EPHA3: variants seen among roughly 807,000 people sequenced by gnomAD.
The protein encoded by EPHA3 is EPH receptor A3.
A neutral mutation model predicts 107.1 loss-of-function variants in EPHA3; 42 were observed. The observed-to-expected ratio is 0.39, with a 90% confidence interval of 0.31 to 0.51. The LOEUF (loss-of-function observed/expected upper bound fraction) is 0.51. EPHA3 is among the 20% of genes least tolerant of loss of function. EPHA3 has a pLI of 0.78. For missense variants in EPHA3, 1,183 were observed against 1,211.2 expected (o/e 0.98, Z 0.35); for synonymous variants, 461 against 424.8 (o/e 1.09, Z -1.05).
At chr3:89,332,770 T>G (rs1216779114) in intron 3 of EPHA3, among the ~76,000 whole-genome samples, 1 of 152,216 alleles carries the variant, frequency 6.6e-6, no homozygotes, top group African/African-American at 2.4e-5. Flanking sequence ...TGTTTATGGC[T>G]GGGAATTGCT....
intron 1 of EPHA3, among the ~76,000 whole-genome samples, chr3:89,113,826 T>C (rs1216780288): frequency 6.6e-6 from 1 of 152,130 alleles, no homozygotes; most frequent in Non-Finnish European, 1.5e-5. Flanking sequence ...AGGAAAGTTT[T>C]AAGAGTGACA....
intron 2 of EPHA3, among the ~76,000 whole-genome samples, chr3:89,185,231 T>C (rs1231080329): frequency 6.6e-6 from 1 of 152,048 alleles, no homozygotes; most frequent in African/African-American, 2.4e-5. Flanking sequence ...TTGTCAAACA[T>C]TTATTTATTT....
intron 2 of EPHA3, among the ~76,000 whole-genome samples, chr3:89,134,976 C>T (rs1704281536): frequency 6.6e-6 from 1 of 152,160 alleles, no homozygotes; most frequent in African/African-American, 2.4e-5. Context: ...ACATATTTCA[C>T]ACTTAATTCA....
intron 5 of EPHA3, among the ~76,000 whole-genome samples, chr3:89,360,655 G>A (rs879784536): frequency 5.3e-5 from 8 of 150,930 alleles, no homozygotes; most frequent in Middle Eastern, 3.4e-3. Flanking sequence ...CCAGATTATC[G>A]AAAATGCTCC....
Position 89,480,955 on chromosome 3 carries a change from T to G in EPHA3, c.*1453T>G, listed in dbSNP as rs191581645. 2.4e-4 allele frequency: 56 copies of G among 231,870 alleles called. No individual in the cohort carries two copies. The Admixed American group carries it at 3.1e-3, about 13-fold the overall frequency. 14.4% of individuals were successfully genotyped at this position (231,870 alleles called of 1,614,324 possible). A position where few individuals can be genotyped will look rare whatever the true frequency, so the allele number is the denominator to read the frequency against. On this transcript the variant is annotated 3_prime_UTR_variant, in exon 17 of 17. Coordinates refer to ENST00000336596, the MANE Select transcript of EPHA3 (RefSeq NM_005233.6). ...AGAGAAATTTCTCATCACAGGGATT[T>G]AGACTTACTATTACATAAAGGCTAA... is the stretch of plus-strand genomic sequence containing the variant.
At chr3:89,145,661 T>C (rs1704540048) in intron 2 of EPHA3, among the ~76,000 whole-genome samples, 1 of 151,862 alleles carries the variant, frequency 6.6e-6, no homozygotes, top group Non-Finnish European at 1.5e-5. Flanking sequence ...TCAAATAATG[T>C]ATTAAATATC....
chr3:89,417,385 A>T (rs1709270030), intron 10 of EPHA3, among the ~76,000 whole-genome samples: 1 of 151,478 alleles, frequency 6.6e-6, no homozygotes, highest in Non-Finnish European at 1.5e-5. Flanking sequence ...TGATGATGAC[A>T]TCTACATTTA....
chr3:89,157,615 C>T (rs755817589), intron 2 of EPHA3, among the ~76,000 whole-genome samples: 2 of 151,850 alleles, frequency 1.3e-5, no homozygotes, highest in Non-Finnish European at 2.9e-5. Context: ...AAAGGGGTAA[C>T]CTTGCGGGGA....
chr3:89,350,653 C>A (rs1406375841), intron 5 of EPHA3, among the ~76,000 whole-genome samples: 1 of 151,246 alleles, frequency 6.6e-6, no homozygotes, highest in Non-Finnish European at 1.5e-5. Flanking sequence ...TGTTCCATTG[C>A]TGGTGAGGAA....
At chr3:89,140,749 G>T (rs184300271) in intron 2 of EPHA3, among the ~76,000 whole-genome samples, 1 of 151,558 alleles carries the variant, frequency 6.6e-6, no homozygotes, top group African/African-American at 2.4e-5. Context: ...GGTAATATTC[G>T]TTTCTAGAAC....
At chr3:89,447,688 T>C (rs1709903124) in intron 13 of EPHA3, among the ~76,000 whole-genome samples, 1 of 152,188 alleles carries the variant, frequency 6.6e-6, no homozygotes, top group Non-Finnish European at 1.5e-5. Flanking sequence ...ATGAGAGTAT[T>C]GAGCTAACAT....
chr3:89,272,105 G>A (rs977640775), intron 3 of EPHA3, among the ~76,000 whole-genome samples: 11 of 151,508 alleles, frequency 7.3e-5, no homozygotes, highest in Middle Eastern at 3.4e-3. Context: ...CGCATTAATC[G>A]ACTCTTTAAG....
intron 2 of EPHA3, among the ~76,000 whole-genome samples, chr3:89,161,459 CT>C (rs913322117): frequency 6.6e-6 from 1 of 152,126 alleles, no homozygotes; most frequent in African/African-American, 2.4e-5. Context: ...TTATAGCTTA[CT>C]TTTTTTGAAA....
At chr3:89,434,079 TACA>T (rs1709619694) in intron 13 of EPHA3, among the ~76,000 whole-genome samples, 1 of 152,178 alleles carries the variant, frequency 6.6e-6, no homozygotes, top group African/African-American at 2.4e-5. Flanking sequence ...TTGTCCGTGT[TACA>T]ACAATCATAT....
At chr3:89,202,883 A>C (rs1396044389) in intron 2 of EPHA3, among the ~76,000 whole-genome samples, 1 of 152,178 alleles carries the variant, frequency 6.6e-6, no homozygotes, top group Non-Finnish European at 1.5e-5. Flanking sequence ...CAGATGTGAA[A>C]TAGAACACTG....
intron 3 of EPHA3, among the ~76,000 whole-genome samples, chr3:89,216,833 T>A (rs1704233205): frequency 6.6e-6 from 1 of 152,136 alleles, no homozygotes; most frequent in Non-Finnish European, 1.5e-5. Flanking sequence ...CAGAGAATGA[T>A]TATTGATATT....
chr3:89,427,622 A>G (rs991919857), intron 11 of EPHA3, among the ~76,000 whole-genome samples: 3 of 151,956 alleles, frequency 2.0e-5, no homozygotes, highest in Non-Finnish European at 4.4e-5. Context: ...AAAGTAAGGG[A>G]ATTACAGTGT....
At chr3:89,107,894 G>A in intron 1 of EPHA3, 58 bp downstream of exon 1, 2 of 1,536,998 alleles carry the variant, frequency 1.3e-6, no homozygotes, top group Non-Finnish European at 1.8e-6. Context: ...GCTCTTCAAA[G>A]CACGTTCTCA....
intron 3 of EPHA3, among the ~76,000 whole-genome samples, chr3:89,335,933 T>G (rs111989587): frequency 5.8e-4 from 89 of 152,336 alleles, no homozygotes; most frequent in African/African-American, 2.0e-3. Context: ...AGCAGCTTTT[T>G]GATATGTGTG....
Sources: allele counts gnomAD v4.1 joint callset (sites outside exome capture counted in the v4.1 genomes callset), GRCh38; gene constraint gnomAD v4.1.1; transcripts MANE v1.5; gene names NCBI Gene and HGNC (gene_info 2026-07-23, HGNC 2026-07-21).